The following NRXN3 variants were observed in gnomAD, a reference collection of about 807,000 sequenced individuals.
NRXN3 encodes the protein neurexin III.
Under a neutral mutation model 137.6 loss-of-function variants are expected in NRXN3, and 32 were observed. The ratio of observed to expected loss-of-function variants is 0.23; its 90% CI spans 0.18 to 0.31. The LOEUF is 0.31. NRXN3 is among the 10% of genes least tolerant of loss of function. NRXN3 has a pLI of 1.00. For synonymous variants in NRXN3, 798 were observed against 784.5 expected (o/e 1.02, Z -0.29); for missense variants, 1,574 against 2,062.5 (o/e 0.76, Z 4.59).
chr14:79,495,711 G>A (rs2096759668), intron 16 of NRXN3, among the ~76,000 whole-genome samples: 1 of 152,032 alleles, frequency 6.6e-6, no homozygotes, highest in South Asian at 2.1e-4. Flanking sequence ...TAGGAAAATT[G>A]CTCAAAGTTG....
chr14:78,506,815 G>A (rs1377082579), intron 4 of NRXN3, among the ~76,000 whole-genome samples: 2 of 151,902 alleles, frequency 1.3e-5, no homozygotes, highest in Non-Finnish European at 2.9e-5. Flanking sequence ...GAGTACAGGT[G>A]CATACCATCA....
intron 4 of NRXN3, among the ~76,000 whole-genome samples, chr14:78,309,891 A>G (rs1054946318): frequency 1.3e-5 from 2 of 152,150 alleles, no homozygotes; most frequent in African/African-American, 2.4e-5. Context: ...CTTTTTAAGT[A>G]CATTTTCTAT....
intron 2 of NRXN3, among the ~76,000 whole-genome samples, chr14:78,261,438 T>C (rs1013833822): frequency 4.6e-5 from 7 of 152,326 alleles, no homozygotes; most frequent in South Asian, 2.1e-4. Context: ...GAACGATGCT[T>C]GGGCTGGAAT....
intron 8 of NRXN3, among the ~76,000 whole-genome samples, chr14:78,787,708 C>T (rs1235260440): frequency 6.6e-6 from 1 of 152,144 alleles, no homozygotes; most frequent in Non-Finnish European, 1.5e-5. Flanking sequence ...ATCTACAGAA[C>T]AGTGCTGTTC....
At position 78,823,334 on chromosome 14, in the gene NRXN3, A is replaced by G. The variant is rs150702394; in HGVS notation, c.2275+12990A>G. Among the ~76,000 whole-genome samples the G allele has an allele frequency of 2.5e-3, 382 of 152,110 alleles. 1 individual carries two copies. The highest frequency in any genetic ancestry group is 8.6e-3 in the African/African-American group (358 of 41,496). ...CTGCTGCAATCCCCGAGGCTCTTCT[A>G]CGCTACCTCTGTGTCCATGCTTTGC... On this transcript the variant is annotated intron_variant, in intron 10 of 20. Coordinates refer to ENST00000335750, the MANE Select transcript of NRXN3 (RefSeq NM_001330195.2).
At chr14:79,722,863 G>C (rs1942402486) in intron 19 of NRXN3, among the ~76,000 whole-genome samples, 1 of 151,994 alleles carries the variant, frequency 6.6e-6, no homozygotes, top group African/African-American at 2.4e-5. Flanking sequence ...TGGATGGGTA[G>C]GTAAAAAGAT....
At chr14:78,960,530 T>C (rs957203654) in intron 11 of NRXN3, among the ~76,000 whole-genome samples, 8 of 152,206 alleles carry the variant, frequency 5.3e-5, no homozygotes, top group Non-Finnish European at 1.0e-4. Flanking sequence ...CAACCTTGTG[T>C]TTATCATTTA....
At chr14:79,787,875 A>G (rs1161038651) in intron 19 of NRXN3, among the ~76,000 whole-genome samples, 1 of 152,200 alleles carries the variant, frequency 6.6e-6, no homozygotes, top group Non-Finnish European at 1.5e-5. Context: ...ACCTCCAAAG[A>G]TCAGAATGAG....
rs147698573 is a variant in NRXN3, at chr14:79,185,364, T to C, written c.3262+197223T>C. Among the ~76,000 whole-genome samples the C allele has an allele frequency of 1.6e-4, 25 of 152,272 alleles. No individual in the cohort carries two copies. The East Asian group carries it at 4.4e-3, about 27-fold the overall frequency. ...CAATTGCTTTTAATAAAGACTGTCCTGAAAGATACACATGGTGAAACATTC... is the reference window on the plus strand; with the variant it reads ...CAATTGCTTTTAATAAAGACTGTCCCGAAAGATACACATGGTGAAACATTC... On this transcript the variant is annotated intron_variant, in intron 15 of 20. Transcript: ENST00000335750.
At chr14:79,842,498 C>T (rs930742283) in intron 20 of NRXN3, among the ~76,000 whole-genome samples, 4 of 152,072 alleles carry the variant, frequency 2.6e-5, no homozygotes, top group African/African-American at 9.7e-5. Context: ...CTGGAGTAGG[C>T]AGCTGGCAGG....
intron 16 of NRXN3, among the ~76,000 whole-genome samples, chr14:79,575,438 T>G (rs1295847467): frequency 6.6e-6 from 1 of 152,134 alleles, no homozygotes; most frequent in Non-Finnish European, 1.5e-5. Flanking sequence ...AATAAGATGC[T>G]GAGGTTCAAG....
intron 16 of NRXN3, among the ~76,000 whole-genome samples, chr14:79,469,189 C>T (rs72690740): frequency 0.015 from 2,244 of 152,302 alleles, 30 homozygotes; most frequent in Non-Finnish European, 0.023. Flanking sequence ...CAGACATGAG[C>T]ATCTTTTTGA....
At chr14:79,390,302 G>C (rs1450711211) in intron 15 of NRXN3, among the ~76,000 whole-genome samples, 1 of 145,912 alleles carries the variant, frequency 6.9e-6, no homozygotes, top group Non-Finnish European at 1.5e-5. Context: ...GGGCAGCAGA[G>C]CGAGACTCTG....
chr14:78,872,402 A>G (rs1481523498), intron 10 of NRXN3, among the ~76,000 whole-genome samples: 3 of 151,024 alleles, frequency 2.0e-5, no homozygotes, highest in Non-Finnish European at 4.4e-5. Context: ...TTCTTTTATC[A>G]TATTAATGAT....
intron 15 of NRXN3, among the ~76,000 whole-genome samples, chr14:79,288,379 G>T (rs1319855533): frequency 2.0e-5 from 3 of 152,156 alleles, no homozygotes; most frequent in African/African-American, 7.2e-5. Flanking sequence ...AAGAGGAAAT[G>T]GTTTATTTCT....
At chr14:78,435,311 C>T (rs547916739) in intron 4 of NRXN3, among the ~76,000 whole-genome samples, 3 of 152,280 alleles carry the variant, frequency 2.0e-5, no homozygotes, top group Non-Finnish European at 4.4e-5. Flanking sequence ...TGCTGTATGA[C>T]AGGCCCTGTG....
rs372801049 is a variant in NRXN3 at position 78,714,861 on chromosome 14, G to C, written c.1766G>C (p.Arg589Pro). The C allele has an allele frequency of 2.5e-6, 4 of 1,614,074 alleles. No homozygotes were observed. The highest frequency in any genetic ancestry group is 1.3e-5 in the African/African-American group (1 of 74,946). ...TACCTGGGAGGGCTGCCGGAGAACC[G>C]TGCTGGCCTTATTCTCCCCACCGAG... The part of the protein sequence containing the change: ...DMYLGGLPEN[R>P]AGLILPTELW... Residue 589 changes from arginine to proline, a missense_variant, in exon 8 of 21, where the codon CGT (arginine) becomes CCT (proline). Coordinates refer to ENST00000335750, the MANE Select transcript of NRXN3 (RefSeq NM_001330195.2).
intron 15 of NRXN3, among the ~76,000 whole-genome samples, chr14:79,226,995 A>G (rs2071022191): frequency 6.6e-6 from 1 of 151,336 alleles, no homozygotes; most frequent in South Asian, 2.1e-4. Flanking sequence ...TAATTTTTGT[A>G]TTTTTAGTAG....
At chr14:79,601,130 G>A (rs1192393561) in intron 16 of NRXN3, among the ~76,000 whole-genome samples, 3 of 133,868 alleles carry the variant, frequency 2.2e-5, no homozygotes, top group African/African-American at 8.5e-5. Context: ...TGCAACCTCC[G>A]ACTCCGTGGT....
Sources: gnomAD v4.1 joint callset for allele counts (sites outside exome capture counted in the v4.1 genomes callset) on GRCh38, gnomAD v4.1.1 for gene constraint, MANE v1.5 for transcripts, NCBI Gene and HGNC (gene_info 2026-07-23, HGNC 2026-07-21) for gene names.